The following PLCE1 variants were observed in gnomAD, a reference collection of about 807,000 sequenced individuals.
PLCE1 encodes 1-phosphatidylinositol 4,5-bisphosphate phosphodiesterase epsilon-1.
A neutral mutation model predicts 242.8 loss-of-function variants in PLCE1; 119 were observed. That is an observed-to-expected ratio of 0.49 (90% CI 0.42 to 0.57). PLCE1 has a LOEUF of 0.57. Ranked by LOEUF, PLCE1 falls within the 20% of genes least tolerant of loss-of-function variation. The pLI is 0.00. For missense variants in PLCE1, 2,441 were observed against 2,788.8 expected (o/e 0.88, Z 2.81); for synonymous variants, 945 against 1,017.4 (o/e 0.93, Z 1.35).
At chr10:94,218,373 C>T (rs571200648) in intron 4 of PLCE1, among the ~76,000 whole-genome samples, 9 of 152,104 alleles carry the variant, frequency 5.9e-5, no homozygotes, top group African/African-American at 1.9e-4. Flanking sequence ...AAGTGAATTC[C>T]GTATGATTTC....
At chr10:94,158,737 C>A (rs927331101) in intron 3 of PLCE1, among the ~76,000 whole-genome samples, 1 of 151,182 alleles carries the variant, frequency 6.6e-6, no homozygotes, top group African/African-American at 2.4e-5. Context: ...GTTCTCTGAT[C>A]CTAATTTTGT....
At chr10:94,266,696 G>A (rs2051530562) in intron 16 of PLCE1, among the ~76,000 whole-genome samples, 1 of 152,140 alleles carries the variant, frequency 6.6e-6, no homozygotes, top group Non-Finnish European at 1.5e-5. Context: ...GTGTGTCATT[G>A]TGTGCACACG....
At chr10:94,214,690 C>T (rs1249722270) in intron 4 of PLCE1, among the ~76,000 whole-genome samples, 2 of 152,182 alleles carry the variant, frequency 1.3e-5, no homozygotes, top group African/African-American at 4.8e-5. Flanking sequence ...CTTCTACTTG[C>T]TCACCATTCA....
intron 13 of PLCE1, among the ~76,000 whole-genome samples, chr10:94,259,854 A>G (rs1306447252): frequency 1.3e-5 from 2 of 152,152 alleles, no homozygotes; most frequent in Admixed American, 6.5e-5. Context: ...GAGGCCTTAC[A>G]ATCATGGAAG....
chr10:94,074,319 G>A (rs1051245158), intron 2 of PLCE1, among the ~76,000 whole-genome samples: 2 of 151,250 alleles, frequency 1.3e-5, no homozygotes, highest in African/African-American at 4.9e-5. Context: ...TCAGCCTCCT[G>A]AGTAGCTGGG....
At chr10:94,281,286 C>T (rs12266456) in intron 20 of PLCE1, among the ~76,000 whole-genome samples, 1,566 of 152,226 alleles carry the variant, frequency 0.01, 23 homozygotes, top group African/African-American at 0.035. Flanking sequence ...AACAAATTTG[C>T]TCTTTCATAA....
At position 93,997,664 on chromosome 10, in the gene PLCE1, G is replaced by A. The variant is rs1045273078; in HGVS notation, c.-365+3406G>A. Among the ~76,000 whole-genome samples, 25 of 127,028 alleles carry A rather than the reference G, an allele frequency of 2.0e-4. 1 individual carries two copies. The highest frequency in any genetic ancestry group is 1.9e-3 in the Admixed American group (22 of 11,880). The allele number at this position is 127,028 out of a possible 152,430, so 83.3% of individuals were successfully genotyped here. ...TTTTTTTTTTTTTTTTTTTGGTTAG[G>A]TGAAACCTAATAGCTTTAACTCAGC... On this transcript the variant is annotated intron_variant, in intron 1 of 32. Transcript: ENST00000371380.
chr10:94,093,260 A>G (rs1313352588), intron 2 of PLCE1, among the ~76,000 whole-genome samples: 2 of 152,252 alleles, frequency 1.3e-5, no homozygotes, highest in Non-Finnish European at 2.9e-5. Context: ...GTAAAATATA[A>G]TAAATCAAAT....
At position 94,171,143 on chromosome 10, in the gene PLCE1, A is replaced by G. The variant is rs1177922974; in HGVS notation, c.1493-37A>G. The G allele has an allele frequency of 1.9e-6, 3 of 1,574,824 alleles. No homozygotes were observed. In the African/African-American group the frequency reaches 4.0e-5, roughly 21 times the overall value. ...AAATATCTGTTGCAGGGGACACCAG[A>G]TTTGATGTAACCACGACTTCTGTTG... is the stretch of plus-strand genomic sequence containing the variant. On this transcript the variant is annotated intron_variant, in intron 3 of 32. Coordinates refer to ENST00000371380, the MANE Select transcript of PLCE1 (RefSeq NM_016341.4).
chr10:94,171,250 G>A lies in PLCE1; in HGVS notation c.1563G>A (p.Glu521=), dbSNP rs1213785162. 1.2e-6 allele frequency: 2 copies of A among 1,614,094 alleles called. No individual in the cohort carries two copies. Among genetic ancestry groups the A allele is most frequent in the Non-Finnish European group, 8.5e-7 (1 of 1,180,034 alleles). ...CAAGTTCAGCTGGGATCAGCAAGGA[G>A]CTGATCGATCTGCAGCCTCTCATCC... ...LPSSSAGISK[E]LIDLQPLIQF... is the part of the protein sequence containing the mutation. The change falls in exon 4 of 33, where the codon GAG becomes GAA. Residue 521 remains glutamate (E), a synonymous_variant. Coordinates refer to ENST00000371380, the MANE Select transcript of PLCE1 (RefSeq NM_016341.4).
At chr10:94,116,350 GA>G (rs1197419631) in intron 2 of PLCE1, among the ~76,000 whole-genome samples, 2 of 152,190 alleles carry the variant, frequency 1.3e-5, no homozygotes, top group African/African-American at 4.8e-5. Flanking sequence ...TTGGAAATGG[GA>G]AAAGGATCCA....
At chr10:94,254,751 A>T in intron 10 of PLCE1, 142 bp from the exon 11 acceptor site, 1 of 884,164 alleles carries the variant, frequency 1.1e-6, no homozygotes. Context: ...CCATTCATAA[A>T]GATATTTTGG....
chr10:94,056,240 G>A (rs1336635469), intron 2 of PLCE1, among the ~76,000 whole-genome samples: 1 of 152,042 alleles, frequency 6.6e-6, no homozygotes, highest in Non-Finnish European at 1.5e-5. Flanking sequence ...GTTAAAAAGA[G>A]AGGATTGAAA....
intron 4 of PLCE1, chr10:94,225,036 T>A (rs555724545): frequency 2.6e-5 from 4 of 152,402 alleles, no homozygotes; most frequent in African/African-American, 9.6e-5. Context: ...GGGAGCCCAC[T>A]AGGCTCAGGA....
chr10:94,190,252 T>A (rs949262792), intron 4 of PLCE1, among the ~76,000 whole-genome samples: 16 of 152,168 alleles, frequency 1.1e-4, no homozygotes, highest in Admixed American at 9.8e-4. Flanking sequence ...TGTACTCCAG[T>A]CTGGCTGATA....
intron 23 of PLCE1, among the ~76,000 whole-genome samples, chr10:94,295,888 G>A (rs2052794405): frequency 6.6e-6 from 1 of 152,082 alleles, no homozygotes; most frequent in Non-Finnish European, 1.5e-5. Flanking sequence ...ATTCTTAAGG[G>A]CCCTAAGGAT....
At chr10:94,037,065 G>C (rs1445223458) in intron 2 of PLCE1, among the ~76,000 whole-genome samples, 1 of 152,162 alleles carries the variant, frequency 6.6e-6, no homozygotes, top group Admixed American at 6.5e-5. Context: ...ATTTAAAAAG[G>C]AAGGTCAAAA....
chr10:94,308,543 A>G (rs749050625), intron 26 of PLCE1, 38 bp from the exon 27 acceptor site: 7 of 1,382,726 alleles, frequency 5.1e-6, no homozygotes, highest in Non-Finnish European at 7.2e-6. Context: ...TTCAGTAGCC[A>G]TGGTTAACAA....
chr10:94,056,218 G>A (rs1355894553), intron 2 of PLCE1, among the ~76,000 whole-genome samples: 1 of 151,996 alleles, frequency 6.6e-6, no homozygotes, highest in Non-Finnish European at 1.5e-5. Context: ...ATTACTCTTA[G>A]ATTTAGTCCA....
Sources: gnomAD v4.1 joint callset for allele counts (sites outside exome capture counted in the v4.1 genomes callset) on GRCh38, gnomAD v4.1.1 for gene constraint, MANE v1.5 for transcripts, NCBI Gene and HGNC (gene_info 2026-07-23, HGNC 2026-07-21) for gene names.